SYBU: variants seen among roughly 807,000 people sequenced by gnomAD.
SYBU encodes the protein syntabulin.
In SYBU, 21 loss-of-function variants were observed where a neutral mutation model predicts 35.9. The observed-to-expected ratio is 0.58, with a 90% CI of 0.41 to 0.84. The LOEUF is 0.84. SYBU is among the 40% of genes least tolerant of loss of function. The pLI, the probability that SYBU is intolerant of heterozygous loss-of-function variation, is 0.00. For missense variants in SYBU, 768 were observed against 848.2 expected, an observed-to-expected ratio of 0.91 and a Z score of 1.17; for synonymous variants, 319 against 324.3, an observed-to-expected ratio of 0.98 and a Z score of 0.18.
intron 1 of SYBU, among the ~76,000 whole-genome samples, chr8:109,658,987 A>C (rs895414364): frequency 3.3e-5 from 5 of 152,206 alleles, no homozygotes; most frequent in Admixed American, 1.3e-4. Context: ...ACAACAACAA[A>C]AAAAACCTTC....
At chr8:109,649,474 A>C (rs961849334), upstream of SYBU, among the ~76,000 whole-genome samples, 4 of 152,106 alleles carry the variant, frequency 2.6e-5, no homozygotes, top group African/African-American at 9.7e-5. Context: ...TTGAACATTC[A>C]CTGGGCTCAG....
In SYBU at chr8:109,575,554, G is replaced by C; in HGVS notation, c.1344C>G (p.Ala448=). 1 of 1,614,136 alleles carries C rather than the reference G, an allele frequency of 6.2e-7. No homozygotes were observed. The highest frequency in any genetic ancestry group is 8.5e-7 in the Non-Finnish European group (1 of 1,180,032). The change falls in exon 7 of 7, where the codon GCC becomes GCG. Residue 448 remains alanine, a synonymous_variant. Transcript: ENST00000276646. ...CCAGGTCACCAGATTCTGTGGTGGT[G>C]GCTGTCACTATCTCATCGAACAAAT... ...STDLFDEIVT[A]TTTESGDLEL...
intron 3 of SYBU, among the ~76,000 whole-genome samples, chr8:109,600,925 C>T (rs895567361): frequency 5.9e-5 from 9 of 152,160 alleles, no homozygotes; most frequent in East Asian, 1.9e-4. Flanking sequence ...CCAGTACCCA[C>T]GGGATGTTGA....
At chr8:109,645,626 G>GTTTTTTTT (rs201121007), upstream of SYBU, 216 of 244,948 alleles carry the variant, frequency 8.8e-4, 16 homozygotes, top group African/African-American at 5.3e-3. Flanking sequence ...TTGTTGTTTC[G>GTTTTTTTT]TTTTTTGTTT....
At chr8:109,627,129 G>A (rs910225672) in intron 2 of SYBU, among the ~76,000 whole-genome samples, 1 of 149,798 alleles carries the variant, frequency 6.7e-6, no homozygotes, top group Non-Finnish European at 1.5e-5. Flanking sequence ...GATTCTGTTC[G>A]ATGTTCAGTT....
chr8:109,643,048 T>G, intron 1 of SYBU, 116 bp from the exon 2 acceptor site: 1 of 1,423,598 alleles, frequency 7.0e-7, no homozygotes, highest in Non-Finnish European at 9.2e-7. Context: ...TATTGAGTCT[T>G]CACAGAGTAG....
intron 1 of SYBU, among the ~76,000 whole-genome samples, chr8:109,686,227 C>T (rs13270118): frequency 0.19 from 28,959 of 151,690 alleles, 3,609 homozygotes; most frequent in East Asian, 0.4. Flanking sequence ...CAAAGCACCC[C>T]CCGACAGCCT....
intron 4 of SYBU, chr8:109,585,730 T>C: frequency 4.7e-6 from 1 of 213,542 alleles, no homozygotes; most frequent in South Asian, 1.2e-4. Context: ...AGAGGGGAGG[T>C]AGGAGGGAAG....
At chr8:109,636,866 C>G (rs1312858262) in intron 2 of SYBU, among the ~76,000 whole-genome samples, 1 of 152,184 alleles carries the variant, frequency 6.6e-6, no homozygotes, top group Non-Finnish European at 1.5e-5. Context: ...ATGGCTAAGA[C>G]TAATGACATG....
rs71305959 is a variant in SYBU, at chr8:109,576,042, T to TAAAAA, written c.885-34_885-30dup. On this transcript the variant is annotated intron_variant, in intron 6 of 6. Transcript: ENST00000276646. ...GAGTGCCAAGACAAGCATGGTTAAT[T>TAAAAA]AAAAAAAAAAAAAAAAAAAAAAAAA... is the stretch of plus-strand genomic sequence containing the variant. 281 of 846,264 alleles carry TAAAAA rather than the reference T, an allele frequency of 3.3e-4. 1 individual carries two copies. The highest frequency in any genetic ancestry group is 8.4e-4 in the Middle Eastern group (2 of 2,374). The allele number at this position is 846,264 out of a possible 1,614,324, so 52.4% of individuals were successfully genotyped here.
chr8:109,631,669 T>C (rs544721852), intron 2 of SYBU, among the ~76,000 whole-genome samples: 6 of 152,306 alleles, frequency 3.9e-5, no homozygotes, highest in Non-Finnish European at 8.8e-5. Flanking sequence ...GAATGAGTAA[T>C]GAATCTACCT....
At position 109,578,095 on chromosome 8, in the gene SYBU, T is replaced by G. The variant is rs150856634; in HGVS notation, c.735-78A>C. The G allele has an allele frequency of 2.1e-4, 305 of 1,428,230 alleles. 2 individuals carry two copies. In the African/African-American group the frequency reaches 2.5e-3, roughly 12 times the overall value. The allele number at this position is 1,428,230 out of a possible 1,614,324, so 88.5% of individuals were successfully genotyped here. A position where few individuals can be genotyped will look rare whatever the true frequency, so the allele number is the denominator to read the frequency against. ...AAAAGAAGAGTAACACAGAGTGTTATCAACTGAATGTCTGTGTCCCTCCAG... is the reference window on the plus strand; with the variant it reads ...AAAAGAAGAGTAACACAGAGTGTTAGCAACTGAATGTCTGTGTCCCTCCAG... On this transcript the variant is annotated intron_variant, in intron 5 of 6. Transcript: ENST00000276646.
chr8:109,691,284 G>T lies in SYBU; in HGVS notation c.-58+49C>A. 1 of 696,666 alleles carries T rather than the reference G, an allele frequency of 1.4e-6. No homozygotes were observed. Among genetic ancestry groups the T allele is most frequent in the South Asian group, 1.5e-5 (1 of 66,784 alleles). The allele number at this position is 696,666 out of a possible 1,614,324, so 43.2% of individuals were successfully genotyped here. A position where few individuals can be genotyped will look rare whatever the true frequency, so the allele number is the denominator to read the frequency against. On this transcript the variant is annotated intron_variant, in intron 1 of 7. Transcript: ENST00000422135. The surrounding 1 kb of genome is among the most constrained non-coding windows in gnomAD (Gnocchi z 4.7). ...ACCGAAGACCATCAGTTGCCCTCCC[G>T]TGTCCGCGGGCACTGACAGCAGAGA...
At chr8:109,640,846 G>A (rs1814792541) in intron 2 of SYBU, among the ~76,000 whole-genome samples, 1 of 146,482 alleles carries the variant, frequency 6.8e-6, no homozygotes, top group Admixed American at 6.9e-5. Flanking sequence ...AAAGTAGGCA[G>A]TGCAGAATTT....
At chr8:109,667,570 A>G (rs1322418833) in intron 1 of SYBU, among the ~76,000 whole-genome samples, 3 of 151,306 alleles carry the variant, frequency 2.0e-5, no homozygotes, top group African/African-American at 7.3e-5. Flanking sequence ...CCTACCACAT[A>G]AAATACTGTG....
At chr8:109,672,995 G>A (rs1394889900) in intron 1 of SYBU, among the ~76,000 whole-genome samples, 1 of 152,198 alleles carries the variant, frequency 6.6e-6, no homozygotes, top group Non-Finnish European at 1.5e-5. Context: ...CCTCCTCTCT[G>A]GACAGGGCAT....
At position 109,663,264 on chromosome 8, in the gene SYBU, G is replaced by T. The variant is rs1438467141; in HGVS notation, c.-129+17447C>A. Among the ~76,000 whole-genome samples the T allele has an allele frequency of 1.6e-4, 21 of 133,458 alleles. 2 individuals carry two copies. In the Middle Eastern group the frequency reaches 0.023, roughly 147 times the overall value. The allele number at this position is 133,458 out of a possible 152,430, so 87.6% of individuals were successfully genotyped here. On this transcript the variant is annotated intron_variant, in intron 1 of 5. Coordinates refer to the SYBU transcript ENST00000408889. ...AGTTTAATAAAAATACATACAGATA[G>T]ATAGATAGATAGATAGATAGATAGA...
intron 1 of SYBU, among the ~76,000 whole-genome samples, chr8:109,650,038 T>C (rs1816055827): frequency 6.6e-6 from 1 of 152,172 alleles, no homozygotes. Context: ...AGCACCTTCC[T>C]TCCCCAAGAA....
intron 1 of SYBU, among the ~76,000 whole-genome samples, chr8:109,673,843 C>G (rs1817080801): frequency 6.6e-6 from 1 of 152,060 alleles, no homozygotes; most frequent in Non-Finnish European, 1.5e-5. Flanking sequence ...ACATGAAAGA[C>G]CTGATGGAGC....
Sources: gnomAD v4.1 joint callset for allele counts (sites outside exome capture counted in the v4.1 genomes callset) on GRCh38, gnomAD v4.1.1 for gene constraint, Gnocchi (gnomAD v3.1) non-coding constraint, MANE v1.5 for transcripts, NCBI Gene and HGNC (gene_info 2026-07-23, HGNC 2026-07-21) for gene names.